Variants in ITGA2B observed in about 807,000 individuals in gnomAD.
ITGA2B encodes integrin subunit alpha 2b.
ITGA2B carries 91 observed loss-of-function variants against 142.0 expected under a neutral mutation model. The observed-to-expected ratio is 0.64, with a 90% CI of 0.54 to 0.76. The LOEUF (loss-of-function observed/expected upper bound fraction) is 0.76. Among genes scored for constraint, ITGA2B ranks in the 30% least tolerant of loss-of-function variants. The pLI, the probability that ITGA2B is intolerant of heterozygous loss-of-function variation, is 0.00. For missense variants in ITGA2B, 1,231 were observed against 1,350.8 expected (o/e 0.91, Z 1.39); for synonymous variants, 536 against 567.2 (o/e 0.94, Z 0.78).
At chr17:44,373,377 C>A (rs1161814394) in intron 29 of ITGA2B, among the ~76,000 whole-genome samples, 1 of 151,992 alleles carries the variant, frequency 6.6e-6, no homozygotes, top group East Asian at 1.9e-4. Context: ...ACCTCATGAA[C>A]CGCCCACCTC....
intron 29 of ITGA2B, chr17:44,373,854 A>AACC (rs2048516300): frequency 2.8e-5 from 6 of 210,680 alleles, no homozygotes; most frequent in Middle Eastern, 2.1e-3. Flanking sequence ...CAGGAGAATG[A>AACC]CATTTTTGTG....
At chr17:44,383,461 C>T in intron 12 of ITGA2B, 32 bp downstream of exon 12, 1 of 1,576,376 alleles carries the variant, frequency 6.3e-7, no homozygotes, top group African/African-American at 1.3e-5. Flanking sequence ...GTTAACCCCT[C>T]TGCAGCAAGT....
rs759566591 is a variant in ITGA2B at position 44,380,404 on chromosome 17, G to A, written c.1526C>T (p.Thr509Ile). ...TCCTCACCAGCTCACGGGTGTCTTG[G>A]TCTGAGGTAGGACACAGCTCTTCAC... is the stretch of plus-strand genomic sequence containing the variant. ...PAVKSCVLPQ[T>I]KTPVSCFNIQ... Residue 509 changes from threonine (T) to isoleucine (I), a missense_variant, in exon 15 of 30, where the codon ACC becomes ATC. Thr to Ile is a moderately conservative substitution (Grantham distance 89). Transcript: ENST00000262407. 2 of 1,614,136 alleles carry A rather than the reference G, an allele frequency of 1.2e-6. No homozygotes were observed. Among genetic ancestry groups the A allele is most frequent in the South Asian group, 1.1e-5 (1 of 91,088 alleles).
rs777406811 is a variant in ITGA2B at position 44,378,395 on chromosome 17, G to A, written c.2061C>T (p.Gly687=). The change falls in exon 20 of 30, where the codon GGC becomes GGT. Residue 687 remains glycine, a synonymous_variant. Coordinates refer to ENST00000262407, the MANE Select transcript of ITGA2B (RefSeq NM_000419.5). The part of the protein sequence containing the change: ...EAELAVHLPQ[G]AHYMRALSNV... ...TGCTTAGGGCCCGCATGTAGTGGGCGCCCTGGGGCAGGTGCACGGCCAGCT... is the reference window on the plus strand; with the variant it reads ...TGCTTAGGGCCCGCATGTAGTGGGCACCCTGGGGCAGGTGCACGGCCAGCT... 4.2e-5 allele frequency: 68 copies of A among 1,613,150 alleles called. No individual in the cohort carries two copies. Among genetic ancestry groups the A allele is most frequent in the Middle Eastern group, 1.8e-4 (1 of 5,636 alleles).
At position 44,380,996 on chromosome 17, in the gene ITGA2B, G is replaced by C; in HGVS notation, c.1276C>G (p.Gln426Glu). Residue 426 changes from glutamine (Q) to glutamate (E), a missense_variant, in exon 13 of 30, where the codon CAG becomes GAG. Physicochemically the swap from Gln to Glu is conservative, Grantham distance 29. Transcript: ENST00000262407. ...GRGQVLVFLG[Q>E]SEGLRSRPSQ... is the part of the protein sequence containing the mutation. ...GGACGTGACCTCAGCCCCTCACTCT[G>C]ACCCAGGAACACCAGCACTTGGCCC... The C allele has an allele frequency of 6.2e-7, 1 of 1,613,546 alleles. No individual in the cohort carries two copies. Among genetic ancestry groups the C allele is most frequent in the Non-Finnish European group, 8.5e-7 (1 of 1,179,646 alleles).
intron 1 of ITGA2B, 42 bp downstream of exon 1, chr17:44,389,244 G>T (rs772896805): frequency 6.2e-7 from 1 of 1,604,068 alleles, no homozygotes; most frequent in East Asian, 2.2e-5. Flanking sequence ...ATGGGGAGGG[G>T]TCCTGCTCTC....
chr17:44,374,926 ACCCCGCCCCTCCCAGAGCAAAGTGGT>A, intron 27 of ITGA2B, 46 bp downstream of exon 27: 2 of 1,376,338 alleles, frequency 1.5e-6, no homozygotes, highest in Non-Finnish European at 2.0e-6. Context: ...CCCACACCAA[ACCCCGCCCCTCCCAGAGCAAAGTGGT>A]CCCCGCCCAG....
chr17:44,372,620 CCT>C (rs556078751), intron 29 of ITGA2B, among the ~76,000 whole-genome samples, 197 bp from the exon 30 acceptor site: 7 of 151,992 alleles, frequency 4.6e-5, no homozygotes, highest in South Asian at 2.1e-4. Flanking sequence ...TTTTTTCTCC[CCT>C]GAGTTTTTAT....
intron 18 of ITGA2B, among the ~76,000 whole-genome samples, chr17:44,379,242 CTG>C (rs1181571106): frequency 8.7e-5 from 13 of 148,578 alleles, no homozygotes; most frequent in African/African-American, 3.2e-4. Flanking sequence ...GCGTGAGCCA[CTG>C]CGCCTGGCTT....
chr17:44,387,826 C>CAAAAAAAAAAAAAAAAAAAA (rs980395817), intron 1 of ITGA2B, among the ~76,000 whole-genome samples: 1 of 24,556 alleles, frequency 4.1e-5, no homozygotes, highest in African/African-American at 1.3e-4. Context: ...AACCCCATCT[C>CAAAAAAAAAAAAAAAAAAAA]AAAAAAAAAA....
At chr17:44,383,980 T>C (rs1308676462) in intron 10 of ITGA2B, 34 bp from the exon 11 acceptor site, 4 of 1,614,012 alleles carry the variant, frequency 2.5e-6, no homozygotes, top group East Asian at 2.2e-5. Context: ...TTCACGCCGC[T>C]GGACAAGCAT....
intron 11 of ITGA2B, 70 bp from the exon 12 acceptor site, chr17:44,383,774 G>T: frequency 6.4e-7 from 1 of 1,550,612 alleles, no homozygotes; most frequent in South Asian, 1.2e-5. Context: ...AAATCTCCTC[G>T]ACCCTTGCTC....
intron 17 of ITGA2B, 42 bp downstream of exon 17, chr17:44,379,960 G>C (rs755181327): frequency 6.2e-7 from 1 of 1,613,006 alleles, no homozygotes; most frequent in East Asian, 2.2e-5. Context: ...CAGTGGGTAA[G>C]TTCTACTCTC....
At position 44,386,047 on chromosome 17, in the gene ITGA2B, G is replaced by C; in HGVS notation, c.273C>G (p.Ala91=). ...GCAGCGAGGGGCACTGGCCGCCCTC[G>C]GCCCTCCAGGGGCACAGGAACACGC... is the stretch of plus-strand genomic sequence containing the variant. ...TGGVFLCPWR[A]EGGQCPSLLF... is the part of the protein sequence containing the mutation. Residue 91 remains alanine (A), a synonymous_variant, in exon 2 of 30, where the codon GCC becomes GCG. Coordinates refer to ENST00000262407, the MANE Select transcript of ITGA2B (RefSeq NM_000419.5). The C allele has an allele frequency of 6.2e-7, 1 of 1,612,938 alleles. No individual in the cohort carries two copies. The highest frequency in any genetic ancestry group is 8.5e-7 in the Non-Finnish European group (1 of 1,179,912).
At chr17:44,379,659 C>A (rs781161443) in intron 18 of ITGA2B, 30 bp downstream of exon 18, 1 of 1,613,792 alleles carries the variant, frequency 6.2e-7, no homozygotes, top group Non-Finnish European at 8.5e-7. Flanking sequence ...GGGTCCTGCA[C>A]CTCCCTGGCC....
chr17:44,374,080 A>C (rs1487100073), intron 29 of ITGA2B: 8 of 406,870 alleles, frequency 2.0e-5, no homozygotes, highest in Non-Finnish European at 3.3e-5. Flanking sequence ...TAATTTTGGT[A>C]TTTTTAGTAG....
At position 44,380,086 on chromosome 17, in the gene ITGA2B, G is replaced by A. The variant is rs757024011; in HGVS notation, c.1668C>T (p.Gly556=). The A allele has an allele frequency of 1.1e-5, 17 of 1,613,906 alleles. No individual in the cohort carries two copies. In the Admixed American group the frequency reaches 1.2e-4, roughly 11 times the overall value. The change falls in exon 17 of 30, where the codon GGC becomes GGT. Residue 556 remains glycine, a synonymous_variant. Transcript: ENST00000262407. ...PRQGRRVLLL[G]SQQAGTTLNL... Reference sequence around the variant, plus strand: ...TCAGGGTGGTGCCTGCCTGTTGAGAGCCCAGCAGCAGCACCCGCCGGCCCT... The same window carrying A: ...TCAGGGTGGTGCCTGCCTGTTGAGAACCCAGCAGCAGCACCCGCCGGCCCT...
At chr17:44,385,511 C>A (rs918443462) in intron 4 of ITGA2B, 40 bp downstream of exon 4, 5 of 1,535,854 alleles carry the variant, frequency 3.3e-6, no homozygotes, top group East Asian at 4.9e-5. Flanking sequence ...GGGGCCAAGC[C>A]GTCGCGAGTG....
At chr17:44,374,196 C>T in intron 29 of ITGA2B, 158 bp downstream of exon 29, 2 of 745,956 alleles carry the variant, frequency 2.7e-6, no homozygotes, top group South Asian at 2.9e-5. Context: ...GTGAGCCACC[C>T]CACTGGACCG....
Sources: allele counts gnomAD v4.1 joint callset (sites outside exome capture counted in the v4.1 genomes callset), GRCh38; gene constraint gnomAD v4.1.1; transcripts MANE v1.5; gene names NCBI Gene and HGNC (gene_info 2026-07-23, HGNC 2026-07-21).